Variants in ITIH3 observed in about 807,000 individuals in gnomAD.
ITIH3 encodes inter-alpha-trypsin inhibitor heavy chain H3.
In ITIH3, 81 loss-of-function variants were observed where a neutral mutation model predicts 96.5. The observed-to-expected ratio is 0.84, with a 90% confidence interval of 0.70 to 1.01. ITIH3 has a LOEUF of 1.01. ITIH3 is among the 50% of genes least tolerant of loss of function. The pLI is 0.00. For missense variants in ITIH3, 1,057 were observed against 1,139.3 expected (o/e 0.93, Z 1.04); for synonymous variants, 422 against 445.2 (o/e 0.95, Z 0.66).
Position 52,801,522 on chromosome 3 carries a change from C to G in ITIH3, c.1383+376C>G, listed in dbSNP as rs77139171. ...CGTATTGTCTCCCAGTTCCAGAGCCCGGACATCCCAGATCCATGTGGCGGT... is the reference window on the plus strand; with the variant it reads ...CGTATTGTCTCCCAGTTCCAGAGCCGGGACATCCCAGATCCATGTGGCGGT... On this transcript the variant is annotated intron_variant, in intron 11 of 21. Coordinates refer to ENST00000449956, the MANE Select transcript of ITIH3 (RefSeq NM_002217.4). Among the ~76,000 whole-genome samples, 3 of 152,164 alleles carry G rather than the reference C, an allele frequency of 2.0e-5. No homozygotes were observed. In the East Asian group the frequency reaches 5.8e-4, roughly 29 times the overall value.
In ITIH3 at chr3:52,801,198, G is replaced by A. The variant is rs1045354693; in HGVS notation, c.1383+52G>A. 10 of 1,436,662 alleles carry A rather than the reference G, an allele frequency of 7.0e-6. No homozygotes were observed. The Admixed American group carries it at 1.9e-4, about 27-fold the overall frequency. The allele number at this position is 1,436,662 out of a possible 1,614,324, so 89.0% of individuals were successfully genotyped here. On this transcript the variant is annotated intron_variant, in intron 11 of 21. Coordinates refer to ENST00000449956, the MANE Select transcript of ITIH3 (RefSeq NM_002217.4). ...GCATAAGGAGCTCACTACTTCCTCA[G>A]ACAGCTGCTCCATAAGGTGACAGTT...
At chr3:52,802,005 C>T in intron 11 of ITIH3, among the ~76,000 whole-genome samples, 1 of 152,178 alleles carries the variant, frequency 6.6e-6, no homozygotes, top group South Asian at 2.1e-4. Flanking sequence ...ATCTGCCTCT[C>T]TTACTTCCTT....
intron 13 of ITIH3, among the ~76,000 whole-genome samples, chr3:52,803,298 A>C (rs1394686840): frequency 7.3e-6 from 1 of 136,910 alleles, no homozygotes; most frequent in African/African-American, 3.1e-5. Context: ...TTATTTATTT[A>C]TTTATTTATT....
chr3:52,807,596 A>G, intron 19 of ITIH3, 151 bp from the exon 20 acceptor site: 1 of 672,022 alleles, frequency 1.5e-6, no homozygotes, highest in Non-Finnish European at 2.5e-6. Flanking sequence ...TGCATGAGGC[A>G]TCCTCTTTCC....
At chr3:52,803,739 C>T (rs1295763769) in intron 13 of ITIH3, 116 bp from the exon 14 acceptor site, 5 of 1,184,526 alleles carry the variant, frequency 4.2e-6, no homozygotes, top group African/African-American at 3.1e-5. Context: ...CCCTGGGGGA[C>T]CCCACAATGG....
At chr3:52,796,324 G>T (rs1300511856) in intron 2 of ITIH3, among the ~76,000 whole-genome samples, 157 bp from the exon 3 acceptor site, 1 of 152,146 alleles carries the variant, frequency 6.6e-6, no homozygotes, top group African/African-American at 2.4e-5. Flanking sequence ...GACTGGAGAC[G>T]CCACCAAGTC....
chr3:52,805,714 C>G, intron 15 of ITIH3, 94 bp from the exon 16 acceptor site: 1 of 1,576,256 alleles, frequency 6.3e-7, no homozygotes, highest in South Asian at 1.2e-5. Flanking sequence ...TGGGGCCCCT[C>G]TGGGGCCCAG....
rs1254176436 is a variant in ITIH3, at chr3:52,801,029, G to A, written c.1266G>A (p.Leu422=). 6.2e-7 allele frequency: 1 copy of A among 1,613,954 alleles called. No homozygotes were observed. The highest frequency in any genetic ancestry group is 8.5e-7 in the Non-Finnish European group (1 of 1,179,908). ...ATGCCATCGGGGGCAAGTTCCCCTT[G>A]TATAACCTGGGCTTTGGCAACAATC... The part of the protein sequence containing the change: ...VRNAIGGKFP[L]YNLGFGNNLN... Residue 422 remains leucine (L), a synonymous_variant, in exon 11 of 22, where the codon TTG becomes TTA. Coordinates refer to ENST00000449956, the MANE Select transcript of ITIH3 (RefSeq NM_002217.4).
At position 52,808,604 on chromosome 3, in the gene ITIH3, T is replaced by A. The variant is rs1700140303; in HGVS notation, c.2596T>A (p.Cys866Ser). The change falls in exon 22 of 22, where the codon TGC (cysteine) becomes AGC (serine). Residue 866 changes from cysteine (C) to serine (S), a missense_variant. By Grantham distance (112) the Cys-to-Ser change is moderately radical. Transcript: ENST00000449956. Reference protein sequence around the residue: ...KDASIGTKVVCWFVHNNGEGL... With the variant: ...KDASIGTKVVSWFVHNNGEGL... ...TGCCAGCATCGGCACGAAGGTTGTC[T>A]GCTGGTTCGTCCACAACAACGGAGA... 1.2e-6 allele frequency: 2 copies of A among 1,613,952 alleles called. No homozygotes were observed.
rs372403846 is a variant in ITIH3, at chr3:52,807,028, G to A, written c.2184G>A (p.Thr728=). The A allele has an allele frequency of 8.1e-6, 13 of 1,601,684 alleles. No homozygotes were observed. In the African/African-American group the frequency reaches 1.6e-4, roughly 20 times the overall value. ...TGGACTTCCAGGTGGAGGTGACAACGGAGAAGATCACCCTGTGGAACAGGG... is the reference window on the plus strand; with the variant it reads ...TGGACTTCCAGGTGGAGGTGACAACAGAGAAGATCACCCTGTGGAACAGGG... The part of the protein sequence containing the change: ...AQMDFQVEVT[T]EKITLWNRAV... Residue 728 remains threonine (T), a synonymous_variant, in exon 19 of 22, where the codon ACG becomes ACA. Coordinates refer to ENST00000449956, the MANE Select transcript of ITIH3 (RefSeq NM_002217.4).
intron 6 of ITIH3, chr3:52,798,642 T>A: frequency 3.0e-6 from 1 of 338,938 alleles, no homozygotes; most frequent in Non-Finnish European, 5.5e-6. Flanking sequence ...CCTGGGCTAA[T>A]GGGTGTGTGA....
At chr3:52,802,883 C>T in intron 13 of ITIH3, 77 bp downstream of exon 13, 1 of 1,537,834 alleles carries the variant, frequency 6.5e-7, no homozygotes, top group South Asian at 1.2e-5. Flanking sequence ...TACGCAGTCC[C>T]AGCGGTCCTG....
Position 52,808,685 on chromosome 3 carries a change from GAC to G in ITIH3, c.*9_*10del, listed in dbSNP as rs1453586139. 1 of 1,601,126 alleles carries G rather than the reference GAC, an allele frequency of 6.2e-7. No homozygotes were observed. Among genetic ancestry groups the G allele is most frequent in the Non-Finnish European group, 8.6e-7 (1 of 1,169,130 alleles). The stretch of plus-strand genomic sequence containing the variant: ...CATTGTCCCCAACCTGTTTTGAGTA[GAC>G]ACACCAGCTCCTGTTGGGATGGATG... On this transcript the variant is annotated 3_prime_UTR_variant, in exon 22 of 22. Transcript: ENST00000449956.
At chr3:52,807,951 T>A in intron 20 of ITIH3, 35 bp downstream of exon 20, 1 of 1,603,814 alleles carries the variant, frequency 6.2e-7, no homozygotes, top group Non-Finnish European at 8.5e-7. Context: ...TGTTCAGGCC[T>A]GAGAGCAGCA....
In ITIH3 at chr3:52,802,325, G is replaced by T; in HGVS notation, c.1384-9G>T. 6.2e-7 allele frequency: 1 copy of T among 1,613,292 alleles called. No individual in the cohort carries two copies. The highest frequency in any genetic ancestry group is 8.5e-7 in the Non-Finnish European group (1 of 1,179,642). On this transcript the variant is annotated splice_polypyrimidine_tract_variant and intron_variant, in intron 11 of 21. Coordinates refer to ENST00000449956, the MANE Select transcript of ITIH3 (RefSeq NM_002217.4). ...GGGCTTGAGATGACTGGCCCCGTGC[G>T]AACTTCAGGGCTTCTATGAGGAGGT...
chr3:52,804,255 G>C, intron 14 of ITIH3: 1 of 541,190 alleles, frequency 1.8e-6, no homozygotes, highest in Non-Finnish European at 3.3e-6. Flanking sequence ...GGGGCACACT[G>C]CCCATGGGGC....
chr3:52,804,535 G>C, intron 14 of ITIH3, 191 bp from the exon 15 acceptor site: 1 of 597,864 alleles, frequency 1.7e-6, no homozygotes, highest in East Asian at 2.9e-5. Context: ...CAAAGAGCTG[G>C]GCCTGGCCAG....
intron 1 of ITIH3, 149 bp downstream of exon 1, chr3:52,795,045 C>A: frequency 1.5e-6 from 1 of 687,260 alleles, no homozygotes; most frequent in Non-Finnish European, 2.5e-6. Context: ...GAGAACCGGG[C>A]TCCAGCTGAG....
At chr3:52,795,454 G>C in intron 1 of ITIH3, 149 bp from the exon 2 acceptor site, 1 of 738,646 alleles carries the variant, frequency 1.4e-6, no homozygotes, top group Non-Finnish European at 2.2e-6. Flanking sequence ...ATGTGGCTCT[G>C]GAGGGTCCTA....
Sources: gnomAD v4.1 joint callset for allele counts (sites outside exome capture counted in the v4.1 genomes callset) on GRCh38, gnomAD v4.1.1 for gene constraint, MANE v1.5 for transcripts, NCBI Gene and HGNC (gene_info 2026-07-23, HGNC 2026-07-21) for gene names.